Variants in TAMM41 observed in about 807,000 individuals in gnomAD.
TAMM41 encodes the protein phosphatidate cytidylyltransferase, mitochondrial.
In TAMM41, 36 loss-of-function variants were observed where a neutral mutation model predicts 44.1. The observed-to-expected ratio is 0.82, with a 90% confidence interval of 0.63 to 1.08. The LOEUF (loss-of-function observed/expected upper bound fraction) is 1.08, where lower values mean the gene tolerates loss of function less well. Among genes scored for constraint, TAMM41 ranks in the 50% least tolerant of loss-of-function variants. TAMM41 has a pLI of 0.00. For missense variants in TAMM41, 417 were observed against 404.3 expected (o/e 1.03, Z -0.27); for synonymous variants, 164 against 153.1 (o/e 1.07, Z -0.53).
At chr3:11,782,981 C>T in the TAMM41 span, among the ~76,000 whole-genome samples, 2 of 152,194 alleles carry the variant, frequency 1.3e-5, no homozygotes, top group African/African-American at 2.4e-5. Flanking sequence ...AATGGAGAGC[C>T]TCAAAGGAGT....
At chr3:11,736,223 G>A in the TAMM41 span, among the ~76,000 whole-genome samples, 1 of 152,140 alleles carries the variant, frequency 6.6e-6, no homozygotes, top group East Asian at 1.9e-4. Flanking sequence ...CTCTCCTCGT[G>A]CAGCAGTTTT....
intron 4 of TAMM41, among the ~76,000 whole-genome samples, chr3:11,828,640 A>G (rs1373222006): frequency 6.6e-6 from 1 of 152,270 alleles, no homozygotes; most frequent in African/African-American, 2.4e-5. Flanking sequence ...CTTTGCCCCT[A>G]TGTCTTTTGT....
At chr3:11,797,078 A>G (rs1001891004) in intron 7 of TAMM41, among the ~76,000 whole-genome samples, 2 of 152,250 alleles carry the variant, frequency 1.3e-5, no homozygotes, top group South Asian at 4.1e-4. Flanking sequence ...TGCCTAAAGC[A>G]ATTTATATAT....
the TAMM41 span, among the ~76,000 whole-genome samples, chr3:11,743,574 C>A: frequency 6.6e-6 from 1 of 152,124 alleles, no homozygotes; most frequent in African/African-American, 2.4e-5. Flanking sequence ...ATCAAGTGAT[C>A]CACCTGCCTC....
At chr3:11,777,465 A>G in the TAMM41 span, among the ~76,000 whole-genome samples, 5 of 152,284 alleles carry the variant, frequency 3.3e-5, no homozygotes, top group East Asian at 9.6e-4. Flanking sequence ...GTTGAGATAT[A>G]ATTTACATAC....
At chr3:11,845,190 A>T (rs913601423) in intron 1 of TAMM41, 8 of 355,712 alleles carry the variant, frequency 2.2e-5, no homozygotes, top group African/African-American at 1.7e-4. Context: ...AGCTGACTGG[A>T]GAGAAGAGGG....
At chr3:11,845,105 G>A in intron 1 of TAMM41, 3 of 415,904 alleles carry the variant, frequency 7.2e-6, no homozygotes, top group Non-Finnish European at 9.6e-6. Flanking sequence ...GACTGAAATA[G>A]AACACATTTA....
the TAMM41 span, among the ~76,000 whole-genome samples, chr3:11,748,560 G>A: frequency 5.5e-4 from 84 of 151,868 alleles, no homozygotes; most frequent in Non-Finnish European, 1.1e-3. Context: ...TTTATTTTTA[G>A]TAGAGACGGG....
At chr3:11,743,790 G>A in the TAMM41 span, among the ~76,000 whole-genome samples, 84 of 152,172 alleles carry the variant, frequency 5.5e-4, 1 homozygote, top group African/African-American at 1.8e-3. Flanking sequence ...TCAGTTTCCC[G>A]GAGGTACCTT....
the TAMM41 span, among the ~76,000 whole-genome samples, chr3:11,770,887 G>T: frequency 6.6e-6 from 1 of 152,144 alleles, no homozygotes; most frequent in Non-Finnish European, 1.5e-5. Flanking sequence ...AGTCCCAGGT[G>T]TCTCTCCCCA....
intron 2 of TAMM41, among the ~76,000 whole-genome samples, chr3:11,842,484 A>G (rs1451440903): frequency 6.6e-6 from 1 of 151,626 alleles, no homozygotes; most frequent in Non-Finnish European, 1.5e-5. Flanking sequence ...GTTTGGGGTC[A>G]GGAGTTCAAG....
At chr3:11,830,772 G>A (rs2078953961) in intron 3 of TAMM41, 1 of 151,962 alleles carries the variant, frequency 6.6e-6, no homozygotes, top group African/African-American at 2.4e-5. Context: ...TCAGGAGGTT[G>A]AGGTAGGAAG....
At chr3:11,767,225 T>C in the TAMM41 span, among the ~76,000 whole-genome samples, 1 of 151,884 alleles carries the variant, frequency 6.6e-6, no homozygotes, top group Non-Finnish European at 1.5e-5. Flanking sequence ...CGTGCCACCA[T>C]GCCTGGCTAA....
At chr3:11,748,426 C>T in the TAMM41 span, among the ~76,000 whole-genome samples, 2 of 151,484 alleles carry the variant, frequency 1.3e-5, no homozygotes, top group Admixed American at 6.6e-5. Context: ...GAACTACAGG[C>T]GGCTGCCACC....
chr3:11,843,833 A>C, intron 2 of TAMM41, 196 bp downstream of exon 2: 1 of 583,952 alleles, frequency 1.7e-6, no homozygotes, highest in South Asian at 2.8e-5. Context: ...CAAGTTCAAG[A>C]CGTCTGGCAG....
chr3:11,828,870 A>G (rs2078868762), intron 4 of TAMM41, among the ~76,000 whole-genome samples: 1 of 152,172 alleles, frequency 6.6e-6, no homozygotes, highest in African/African-American at 2.4e-5. Flanking sequence ...TGCTTTTCCA[A>G]TGTTCTGAGC....
At chr3:11,755,805 T>C in the TAMM41 span, among the ~76,000 whole-genome samples, 1 of 152,164 alleles carries the variant, frequency 6.6e-6, no homozygotes, top group African/African-American at 2.4e-5. Flanking sequence ...TTACACTCCT[T>C]AGGGTCCACA....
chr3:11,742,730 G>A, the TAMM41 span, among the ~76,000 whole-genome samples: 1 of 149,932 alleles, frequency 6.7e-6, no homozygotes, highest in Non-Finnish European at 1.5e-5. Flanking sequence ...GGGACTACAG[G>A]TGTGCACCAC....
At chr3:11,814,469 T>C (rs1046677743) in intron 5 of TAMM41, among the ~76,000 whole-genome samples, 2 of 150,682 alleles carry the variant, frequency 1.3e-5, no homozygotes, top group Non-Finnish European at 3.0e-5. Context: ...AGAAATATTC[T>C]CCCATAAAGC....
Sources: allele counts gnomAD v4.1 joint callset (sites outside exome capture counted in the v4.1 genomes callset), GRCh38; gene constraint gnomAD v4.1.1; transcripts MANE v1.5; gene names NCBI Gene and HGNC (gene_info 2026-07-23, HGNC 2026-07-21).